CFAP97: variants seen among roughly 807,000 people sequenced by gnomAD.
The protein encoded by CFAP97 is cilia- and flagella-associated protein 97.
In CFAP97, 36 loss-of-function variants were observed where a neutral mutation model predicts 43.1. The observed-to-expected ratio is 0.84, with a 90% CI of 0.64 to 1.10. The LOEUF is 1.10. CFAP97 is among the 50% of genes least tolerant of loss of function. CFAP97 has a pLI of 0.00. For missense variants in CFAP97, 657 were observed against 620.3 expected, an observed-to-expected ratio of 1.06 and a Z score of -0.63; for synonymous variants, 228 against 225.7, an observed-to-expected ratio of 1.01 and a Z score of -0.09.
At chr4:185,184,277 T>C (rs980961193) in intron 2 of CFAP97, among the ~76,000 whole-genome samples, 3 of 152,218 alleles carry the variant, frequency 2.0e-5, no homozygotes, top group Admixed American at 1.3e-4. Flanking sequence ...TTGGACAAAG[T>C]TGGCTGCCCA....
At chr4:185,182,701 C>T (rs1168130983) in intron 2 of CFAP97, among the ~76,000 whole-genome samples, 1 of 152,238 alleles carries the variant, frequency 6.6e-6, no homozygotes, top group Non-Finnish European at 1.5e-5. Flanking sequence ...TGGTTCAACA[C>T]TGTCTCGTCA....
At chr4:185,176,758 T>C (rs376192550) in intron 2 of CFAP97, among the ~76,000 whole-genome samples, 73 of 152,294 alleles carry the variant, frequency 4.8e-4, no homozygotes, top group African/African-American at 1.8e-3. Context: ...CTTTTCTTAG[T>C]TGGAGGGCAT....
At position 185,190,505 on chromosome 4, in the gene CFAP97, T is replaced by A. The variant is rs747837979; in HGVS notation, c.692A>T (p.Glu231Val). 25 of 1,613,866 alleles carry A rather than the reference T, an allele frequency of 1.5e-5. No individual in the cohort carries two copies. In the Admixed American group the frequency reaches 4.2e-4, roughly 27 times the overall value. Reference sequence around the variant, plus strand: ...TGGTGTAGTACTTGAAGGCTGTGTTTCTGTCGATTTTATTCCTGATTTATA... The same window carrying A: ...TGGTGTAGTACTTGAAGGCTGTGTTACTGTCGATTTTATTCCTGATTTATA... The part of the protein sequence containing the change: ...HKYKSGIKST[E>V]TQPSSTTPKC... The change falls in exon 2 of 5, where the codon GAA becomes GTA. Residue 231 changes from glutamate to valine, a missense_variant. Transcript: ENST00000458385.
At chr4:185,180,613 TTC>T (rs1483034727) in intron 2 of CFAP97, among the ~76,000 whole-genome samples, 1 of 152,060 alleles carries the variant, frequency 6.6e-6, no homozygotes, top group Non-Finnish European at 1.5e-5. Context: ...TAAGTAATAC[TTC>T]TGTATTTTTT....
chr4:185,193,747 T>G (rs1736410346), intron 1 of CFAP97, among the ~76,000 whole-genome samples: 1 of 152,122 alleles, frequency 6.6e-6, no homozygotes, highest in South Asian at 2.1e-4. Context: ...TAAAAGATTA[T>G]GTAATCTGTA....
Position 185,188,500 on chromosome 4 carries a change from G to A in CFAP97, c.1054+1643C>T, listed in dbSNP as rs553436819. Reference sequence around the variant, plus strand: ...TGAGAATACAGGCGTGTGCCACTACGCTCGGCTCATTTTTTGTATTATTTG... The same window carrying A: ...TGAGAATACAGGCGTGTGCCACTACACTCGGCTCATTTTTTGTATTATTTG... On this transcript the variant is annotated intron_variant, in intron 2 of 4. Coordinates refer to ENST00000458385, the MANE Select transcript of CFAP97 (RefSeq NM_020827.3). Among the ~76,000 whole-genome samples the A allele has an allele frequency of 5.3e-5, 8 of 152,058 alleles. No individual in the cohort carries two copies. The South Asian group carries it at 6.2e-4, about 12-fold the overall frequency.
intron 1 of CFAP97, among the ~76,000 whole-genome samples, chr4:185,202,122 A>T (rs1736865001): frequency 6.6e-6 from 1 of 152,188 alleles, no homozygotes; most frequent in South Asian, 2.1e-4. Context: ...TACCCAAAGG[A>T]GAACCTGATG....
At chr4:185,201,376 A>AATCTTTTGTGAAATGCTG (rs1736821932) in intron 1 of CFAP97, among the ~76,000 whole-genome samples, 1 of 151,824 alleles carries the variant, frequency 6.6e-6, no homozygotes, top group African/African-American at 2.4e-5. Context: ...GTCAAGCAGC[A>AATCTTTTGTGAAATGCTG]TCACAAGCTA....
upstream of CFAP97, chr4:185,209,957 C>T: frequency 1.0e-6 from 1 of 983,562 alleles, no homozygotes; most frequent in South Asian, 4.6e-5. The surrounding 1 kb of genome is among the most constrained non-coding windows in gnomAD (Gnocchi z 5.2). Context: ...GCGGAGGCAG[C>T]AGCAGCGGCG....
intron 3 of CFAP97, among the ~76,000 whole-genome samples, chr4:185,168,622 C>T (rs1192413991): frequency 2.0e-5 from 3 of 150,856 alleles, no homozygotes; most frequent in South Asian, 2.1e-4. Context: ...AGACCAGGCA[C>T]GGTGGCTCAC....
intron 1 of CFAP97, among the ~76,000 whole-genome samples, chr4:185,198,840 G>A (rs2111419793): frequency 6.6e-6 from 1 of 152,070 alleles, no homozygotes; most frequent in Non-Finnish European, 1.5e-5. Flanking sequence ...TGATGGAGAA[G>A]CTGCAGAAGA....
rs574703575 is a variant in CFAP97 at position 185,178,966 on chromosome 4, C to A, written c.1055-2915G>T. 1.1e-4 allele frequency among the ~76,000 whole-genome samples: 16 copies of A among 152,186 alleles called. No individual in the cohort carries two copies. In the South Asian group the frequency reaches 2.9e-3, roughly 28 times the overall value. On this transcript the variant is annotated intron_variant, in intron 2 of 4. Transcript: ENST00000458385. The stretch of plus-strand genomic sequence containing the variant: ...TCAGAGCACCAGTGGTTTATTTTAC[C>A]CACAGTAAGAACGGACAAAGAGAGG...
chr4:185,163,470 C>T (rs1323735183), intron 4 of CFAP97, among the ~76,000 whole-genome samples: 1 of 151,994 alleles, frequency 6.6e-6, no homozygotes, highest in Non-Finnish European at 1.5e-5. Context: ...GGACACTGGC[C>T]TTTCTAGATG....
chr4:185,184,374 T>C (rs898801918), intron 2 of CFAP97, among the ~76,000 whole-genome samples: 9 of 152,212 alleles, frequency 5.9e-5, no homozygotes, highest in African/African-American at 2.2e-4. Context: ...CCATTTCCCC[T>C]ACCAACGACT....
At chr4:185,191,928 A>G (rs1736276696) in intron 1 of CFAP97, among the ~76,000 whole-genome samples, 1 of 152,240 alleles carries the variant, frequency 6.6e-6, no homozygotes, top group Non-Finnish European at 1.5e-5. Flanking sequence ...AAAAAAACTC[A>G]TAGTCACTTC....
chr4:185,175,706 T>C, intron 3 of CFAP97, 80 bp downstream of exon 3: 1 of 1,331,998 alleles, frequency 7.5e-7, no homozygotes, highest in South Asian at 1.4e-5. Flanking sequence ...TATTTGGCTG[T>C]ATTTAGGTTT....
chr4:185,183,840 C>A (rs1248868269), intron 2 of CFAP97, among the ~76,000 whole-genome samples: 1 of 152,176 alleles, frequency 6.6e-6, no homozygotes, highest in African/African-American at 2.4e-5. Context: ...TCTCTTCTAT[C>A]AGGGGTTCTT....
intron 1 of CFAP97, among the ~76,000 whole-genome samples, chr4:185,203,141 C>T (rs1736972768): frequency 6.6e-6 from 1 of 151,620 alleles, no homozygotes; most frequent in African/African-American, 2.4e-5. Flanking sequence ...TGGGAGGCTG[C>T]AGTGAGACAT....
upstream of CFAP97, among the ~76,000 whole-genome samples, chr4:185,208,103 CTTTA>C (rs1397473116): frequency 1.2e-4 from 19 of 152,002 alleles, no homozygotes; most frequent in African/African-American, 3.6e-4. Context: ...AATCATACTG[CTTTA>C]TTTATTTTAT....
Sources: allele counts gnomAD v4.1 joint callset (sites outside exome capture counted in the v4.1 genomes callset), GRCh38; gene constraint gnomAD v4.1.1; non-coding constraint Gnocchi (gnomAD v3.1); transcripts MANE v1.5; gene names NCBI Gene and HGNC (gene_info 2026-07-23, HGNC 2026-07-21).